The following CWF19L2 variants were observed in gnomAD, a reference collection of about 807,000 sequenced individuals.
CWF19L2 encodes CWF19-like protein 2.
Under a neutral mutation model 111.7 loss-of-function variants are expected in CWF19L2, and 98 were observed. That is an observed-to-expected ratio of 0.88 (90% CI 0.75 to 1.04). The LOEUF is 1.04. CWF19L2 is among the 50% of genes least tolerant of loss of function. The probability of loss-of-function intolerance (pLI) is 0.00; values close to 1 mark genes in which losing one functional copy is unlikely to be tolerated. For synonymous variants in CWF19L2, 351 were observed against 342.9 expected (o/e 1.02, Z -0.26); for missense variants, 1,101 against 1,051.4 (o/e 1.05, Z -0.65).
chr11:107,444,634 A>G (rs1221528290), intron 3 of CWF19L2, among the ~76,000 whole-genome samples: 1 of 152,202 alleles, frequency 6.6e-6, no homozygotes, highest in Non-Finnish European at 1.5e-5. Context: ...TTGTCTAACC[A>G]AAGTTTCACT....
chr11:107,432,880 A>G (rs1326075574), intron 7 of CWF19L2, among the ~76,000 whole-genome samples: 1 of 152,208 alleles, frequency 6.6e-6, no homozygotes, highest in Non-Finnish European at 1.5e-5. Flanking sequence ...GCACAGTGCT[A>G]TCTAACAAGG....
chr11:107,432,974 ATTAAAATG>A (rs1861485607), intron 7 of CWF19L2, among the ~76,000 whole-genome samples: 1 of 152,192 alleles, frequency 6.6e-6, no homozygotes, highest in Admixed American at 6.5e-5. Context: ...TTAACAGGTC[ATTAAAATG>A]TATATATTTA....
chr11:107,328,138 C>CAAAAAAA (rs10578324), intron 17 of CWF19L2, among the ~76,000 whole-genome samples: 1 of 118,430 alleles, frequency 8.4e-6, no homozygotes, highest in Non-Finnish European at 1.7e-5. Flanking sequence ...TGTGGAGACT[C>CAAAAAAA]AAAAAAAAAA....
rs1455973629 is a variant in CWF19L2, at chr11:107,441,576, GAC to G, written c.495_496del (p.Ser166IlefsTer7). The G allele has an allele frequency of 1.3e-6, 2 of 1,548,560 alleles. No individual in the cohort carries two copies. The highest frequency in any genetic ancestry group is 1.4e-5 in the African/African-American group (1 of 73,006). On this transcript the variant is annotated frameshift_variant, in exon 5 of 18. Transcript: ENST00000282251. LOFTEE classifies it high-confidence loss of function. ...CTTTTCAGCTTTGAGTGATGATGAT[GAC>G]ACAGTTTTAACAGACATAAAATCAA... is the stretch of plus-strand genomic sequence containing the variant.
intron 12 of CWF19L2, among the ~76,000 whole-genome samples, chr11:107,356,766 A>G (rs1860242878): frequency 6.6e-6 from 1 of 152,218 alleles, no homozygotes; most frequent in Admixed American, 6.5e-5. Context: ...GGCCAGGCAC[A>G]GTGGCTCATG....
At chr11:107,389,899 T>A (rs557786645) in intron 12 of CWF19L2, among the ~76,000 whole-genome samples, 175 bp downstream of exon 12, 50 of 152,342 alleles carry the variant, frequency 3.3e-4, no homozygotes, top group Non-Finnish European at 2.9e-5. Context: ...TTCAACTGTA[T>A]GTTTCTCAAC....
At chr11:107,425,185 C>G (rs1369912505) in intron 8 of CWF19L2, among the ~76,000 whole-genome samples, 1 of 139,582 alleles carries the variant, frequency 7.2e-6, no homozygotes, top group Non-Finnish European at 1.5e-5. Context: ...TTGAAACACA[C>G]ACACACACAC....
At chr11:107,398,327 T>A (rs917642188) in intron 10 of CWF19L2, among the ~76,000 whole-genome samples, 1 of 152,054 alleles carries the variant, frequency 6.6e-6, no homozygotes, top group African/African-American at 2.4e-5. Flanking sequence ...ATAGATAGCT[T>A]AAAGAAAACA....
intron 7 of CWF19L2, among the ~76,000 whole-genome samples, chr11:107,430,760 C>T (rs1861454437): frequency 1.3e-5 from 2 of 151,960 alleles, no homozygotes; most frequent in South Asian, 4.2e-4. Context: ...CAGAAGTTTC[C>T]ATTATGTAAG....
At chr11:107,386,015 A>G (rs1276076236) in intron 12 of CWF19L2, among the ~76,000 whole-genome samples, 1 of 152,130 alleles carries the variant, frequency 6.6e-6, no homozygotes. Context: ...ATTATACTTT[A>G]TAAGTTAAAA....
Position 107,455,756 on chromosome 11 carries a change from T to C in CWF19L2, c.126A>G (p.Lys42=). The C allele has an allele frequency of 6.4e-7, 1 of 1,550,454 alleles. No homozygotes were observed. Among genetic ancestry groups the C allele is most frequent in the Non-Finnish European group, 8.7e-7 (1 of 1,146,288 alleles). Residue 42 remains lysine (K), a synonymous_variant, in exon 2 of 18, where the codon AAA becomes AAG. Transcript: ENST00000282251. ...GCTTAAGTTCTTTACGCCTTTCTTC[T>C]TTTTCAAAATTGGCTTTAGCCTACA... is the stretch of plus-strand genomic sequence containing the variant. The part of the protein sequence containing the change: ...VLRQAKANFE[K]EERRKELKRL...
At chr11:107,429,614 T>G (rs1282563547) in intron 7 of CWF19L2, among the ~76,000 whole-genome samples, 163 bp from the exon 8 acceptor site, 1 of 152,128 alleles carries the variant, frequency 6.6e-6, no homozygotes, top group African/African-American at 2.4e-5. Context: ...AACGAATACT[T>G]TCTAAAAATG....
chr11:107,428,748 TC>T (rs1369606271), intron 8 of CWF19L2, 50 bp downstream of exon 8: 1 of 1,383,276 alleles, frequency 7.2e-7, no homozygotes, highest in Non-Finnish European at 9.9e-7. Flanking sequence ...ACAGTTCTGT[TC>T]TTTGAACTCT....
At position 107,367,829 on chromosome 11, in the gene CWF19L2, C is replaced by CA. The variant is rs1328818449; in HGVS notation, c.1873-14094dup. ...GTACCCTAAAACTTAAAGTATAAAACAAAAAAAAAAGAAATGCTACTGATT... is the reference window on the plus strand; with the variant it reads ...GTACCCTAAAACTTAAAGTATAAAACAAAAAAAAAAAGAAATGCTACTGATT... On this transcript the variant is annotated intron_variant, in intron 12 of 17. Transcript: ENST00000282251. Among the ~76,000 whole-genome samples the CA allele has an allele frequency of 2.9e-4, 36 of 126,268 alleles. 2 individuals are homozygous for CA. Among genetic ancestry groups the CA allele is most frequent in the South Asian group, 2.4e-3 (9 of 3,740 alleles). The allele number at this position is 126,268 out of a possible 152,430, so 82.8% of individuals were successfully genotyped here.
At position 107,372,600 on chromosome 11, in the gene CWF19L2, A is replaced by C. The variant is rs1170206124; in HGVS notation, c.1872+17474T>G. On this transcript the variant is annotated intron_variant, in intron 12 of 17. Coordinates refer to ENST00000282251, the MANE Select transcript of CWF19L2 (RefSeq NM_152434.3). ...AACAAAATACCATTCAAAATGTTTA[A>C]ACCTAGGGACTAAAGGATGAGATGC... Among the ~76,000 whole-genome samples the C allele has an allele frequency of 1.5e-5, 2 of 136,882 alleles. 1 individual carries two copies. Among genetic ancestry groups the C allele is most frequent in the African/African-American group, 5.9e-5 (2 of 34,002 alleles). The allele number at this position is 136,882 out of a possible 152,430, so 89.8% of individuals were successfully genotyped here. A position where few individuals can be genotyped will look rare whatever the true frequency, so the allele number is the denominator to read the frequency against.
intron 1 of CWF19L2, among the ~76,000 whole-genome samples, chr11:107,457,272 G>A (rs1565293592): frequency 2.6e-5 from 4 of 152,180 alleles, no homozygotes; most frequent in Admixed American, 6.5e-5. Context: ...ATAGAGACAG[G>A]AGGAGGAAAT....
chr11:107,418,103 T>C, intron 9 of CWF19L2, 91 bp downstream of exon 9: 3 of 802,330 alleles, frequency 3.7e-6, no homozygotes, highest in South Asian at 2.8e-5. Context: ...CACAGTGTGC[T>C]ATATCCACAC....
At chr11:107,401,735 C>T (rs528621192) in intron 10 of CWF19L2, among the ~76,000 whole-genome samples, 3 of 152,124 alleles carry the variant, frequency 2.0e-5, no homozygotes, top group South Asian at 2.1e-4. Context: ...AAAAACAATT[C>T]TAAAATTCAT....
chr11:107,410,095 T>C (rs573077969), intron 10 of CWF19L2, among the ~76,000 whole-genome samples: 1 of 152,280 alleles, frequency 6.6e-6, no homozygotes, highest in South Asian at 2.1e-4. Context: ...ACCTTATTCC[T>C]GTAACTTAAT....
Sources: gnomAD v4.1 joint callset for allele counts (sites outside exome capture counted in the v4.1 genomes callset) on GRCh38, gnomAD v4.1.1 for gene constraint, MANE v1.5 for transcripts, NCBI Gene and HGNC (gene_info 2026-07-23, HGNC 2026-07-21) for gene names.